GMDS: variants seen among roughly 807,000 people sequenced by gnomAD.
GMDS encodes GDP-mannose 4,6 dehydratase.
GMDS carries 20 observed loss-of-function variants against 49.9 expected under a neutral mutation model. The observed-to-expected ratio is 0.40, with a 90% CI of 0.28 to 0.58. GMDS has a LOEUF of 0.58. GMDS is among the 20% of genes least tolerant of loss of function. The pLI, the probability that GMDS is intolerant of heterozygous loss-of-function variation, is 0.42. For synonymous variants in GMDS, 177 were observed against 178.6 expected (o/e 0.99, Z 0.07); for missense variants, 362 against 481.4 (o/e 0.75, Z 2.32).
intron 1 of GMDS, among the ~76,000 whole-genome samples, chr6:2,183,103 T>G (rs887932229): frequency 7.2e-5 from 11 of 152,206 alleles, no homozygotes; most frequent in Non-Finnish European, 1.2e-4. Context: ...TATGTTGTTT[T>G]CATGCCTGCT....
chr6:1,956,506 G>A (rs545759378), intron 6 of GMDS, among the ~76,000 whole-genome samples: 9 of 152,174 alleles, frequency 5.9e-5, no homozygotes, highest in Non-Finnish European at 1.3e-4. Flanking sequence ...CTTTGTTAGA[G>A]AAAAAGTATA....
At chr6:1,792,703 A>T (rs1347681612) in intron 7 of GMDS, among the ~76,000 whole-genome samples, 1 of 152,196 alleles carries the variant, frequency 6.6e-6, no homozygotes, top group Non-Finnish European at 1.5e-5. Context: ...TAGAATTTCA[A>T]ATTAAAAGTC....
At chr6:2,030,868 C>A (rs1384330713) in intron 4 of GMDS, among the ~76,000 whole-genome samples, 1 of 152,094 alleles carries the variant, frequency 6.6e-6, no homozygotes, top group Non-Finnish European at 1.5e-5. Context: ...TGTGAAAAAG[C>A]CTAGAACACA....
At chr6:1,781,238 G>T (rs1170777834) in intron 7 of GMDS, among the ~76,000 whole-genome samples, 1 of 152,166 alleles carries the variant, frequency 6.6e-6, no homozygotes, top group African/African-American at 2.4e-5. Context: ...CCCTGCCTTC[G>T]TGGTCCTTCC....
chr6:1,764,536 A>G (rs1360204415), intron 7 of GMDS, among the ~76,000 whole-genome samples: 1 of 152,148 alleles, frequency 6.6e-6, no homozygotes, highest in African/African-American at 2.4e-5. Context: ...ATCCCATCAG[A>G]TAATATGTTA....
intron 9 of GMDS, among the ~76,000 whole-genome samples, chr6:1,705,611 G>A (rs940171902): frequency 1.3e-5 from 2 of 152,214 alleles, no homozygotes; most frequent in Non-Finnish European, 2.9e-5. Flanking sequence ...GGTTTTAAGG[G>A]AAGTTTTGAT....
At chr6:1,869,473 A>C (rs1758612855) in intron 7 of GMDS, among the ~76,000 whole-genome samples, 1 of 152,126 alleles carries the variant, frequency 6.6e-6, no homozygotes, top group Non-Finnish European at 1.5e-5. Context: ...AACAGCAATT[A>C]CTTCAGACTC....
intron 7 of GMDS, among the ~76,000 whole-genome samples, chr6:1,821,392 C>T (rs1007462015): frequency 2.6e-5 from 4 of 151,756 alleles, no homozygotes; most frequent in Non-Finnish European, 4.4e-5. Flanking sequence ...GGGGGCAGCT[C>T]GCTGTCGTGG....
At chr6:1,672,308 AG>A (rs1764457241) in intron 9 of GMDS, among the ~76,000 whole-genome samples, 1 of 152,236 alleles carries the variant, frequency 6.6e-6, no homozygotes, top group Admixed American at 6.5e-5. Context: ...GTGGAAGAAC[AG>A]GGAAGGTCAT....
At chr6:1,676,154 C>A (rs996346306) in intron 9 of GMDS, among the ~76,000 whole-genome samples, 1 of 152,088 alleles carries the variant, frequency 6.6e-6, no homozygotes, top group African/African-American at 2.4e-5. Flanking sequence ...AAACAGAGAG[C>A]CAAATCATGA....
intron 9 of GMDS, among the ~76,000 whole-genome samples, chr6:1,695,115 C>T (rs1357706534): frequency 6.6e-6 from 1 of 152,090 alleles, no homozygotes; most frequent in African/African-American, 2.4e-5. Context: ...AGTGTGAGGA[C>T]GGTCATTTAC....
At chr6:2,209,901 A>T (rs144811669) in intron 1 of GMDS, among the ~76,000 whole-genome samples, 9 of 152,316 alleles carry the variant, frequency 5.9e-5, no homozygotes, top group Admixed American at 4.6e-4. Context: ...AGGCACAGGA[A>T]GATAGAACAC....
At chr6:2,133,718 AC>A (rs1174772152) in intron 1 of GMDS, among the ~76,000 whole-genome samples, 1 of 152,178 alleles carries the variant, frequency 6.6e-6, no homozygotes, top group East Asian at 1.9e-4. Context: ...TGAAAAATAG[AC>A]AAAATTCAAG....
chr6:1,861,069 T>C (rs187054760), intron 7 of GMDS, among the ~76,000 whole-genome samples: 1 of 152,356 alleles, frequency 6.6e-6, no homozygotes, highest in Admixed American at 6.5e-5. Flanking sequence ...CTGTCTTTAC[T>C]CTGCCTTCCA....
chr6:1,675,913 A>G (rs1487376348), intron 9 of GMDS, among the ~76,000 whole-genome samples: 1 of 152,030 alleles, frequency 6.6e-6, no homozygotes, highest in Non-Finnish European at 1.5e-5. Flanking sequence ...ACAAACTACC[A>G]TCAGAGAATA....
chr6:2,173,869 CTGAG>C (rs1312272410), intron 1 of GMDS, among the ~76,000 whole-genome samples: 2 of 152,194 alleles, frequency 1.3e-5, no homozygotes, highest in African/African-American at 4.8e-5. Flanking sequence ...CCTCAAGCAT[CTGAG>C]TAACATTTCT....
At chr6:1,795,307 A>T (rs1039761156) in intron 7 of GMDS, among the ~76,000 whole-genome samples, 1 of 152,188 alleles carries the variant, frequency 6.6e-6, no homozygotes, top group East Asian at 1.9e-4. Flanking sequence ...TTTTTAAGGA[A>T]TTCCCAGTTA....
intron 7 of GMDS, among the ~76,000 whole-genome samples, chr6:1,839,189 G>C (rs1374199288): frequency 6.6e-6 from 1 of 151,984 alleles, no homozygotes; most frequent in Non-Finnish European, 1.5e-5. Flanking sequence ...TTGTTTTAGT[G>C]ATTTGCTCCG....
At chr6:1,809,352 T>C (rs1158686706) in intron 7 of GMDS, among the ~76,000 whole-genome samples, 8 of 152,208 alleles carry the variant, frequency 5.3e-5, no homozygotes, top group Non-Finnish European at 1.2e-4. Context: ...GGAGCTCACG[T>C]GGTTCCCCAG....
Sources: allele counts gnomAD v4.1 joint callset (sites outside exome capture counted in the v4.1 genomes callset), GRCh38; gene constraint gnomAD v4.1.1; transcripts MANE v1.5; gene names NCBI Gene and HGNC (gene_info 2026-07-23, HGNC 2026-07-21).